URB1: variants seen among roughly 807,000 people sequenced by gnomAD.
URB1 encodes nucleolar pre-ribosomal-associated protein 1.
A neutral mutation model predicts 242.3 loss-of-function variants in URB1; 197 were observed. That is an observed-to-expected ratio of 0.81 (90% confidence interval 0.72 to 0.91). URB1 has a LOEUF of 0.91. Ranked by LOEUF, URB1 falls within the 40% of genes least tolerant of loss-of-function variation. URB1 has a pLI of 0.00. For synonymous variants in URB1, 1,153 were observed against 1,201.8 expected (o/e 0.96, Z 0.84); for missense variants, 2,721 against 2,860.5 (o/e 0.95, Z 1.11).
Position 32,316,862 on chromosome 21 carries a change from C to T in URB1, c.6238G>A (p.Val2080Met). The T allele has an allele frequency of 6.4e-7, 1 of 1,550,698 alleles. No individual in the cohort carries two copies. Among genetic ancestry groups the T allele is most frequent in the Non-Finnish European group, 8.7e-7 (1 of 1,146,484 alleles). Residue 2080 changes from valine to methionine, a missense_variant, in exon 38 of 39, where the codon GTG becomes ATG. Physicochemically the swap from Val to Met is conservative, Grantham distance 21. Coordinates refer to ENST00000382751, the MANE Select transcript of URB1 (RefSeq NM_014825.3). ...TCGCTCTCGGGGCTGGCTGAGTCCA[C>T]AGGCTCCTGAGTGGGGTCAGGACCA... ...IPGPDPTQEP[V>M]DSASPESDAP...
intron 22 of URB1, among the ~76,000 whole-genome samples, chr21:32,345,845 T>A (rs959719281): frequency 6.6e-6 from 1 of 152,196 alleles, no homozygotes; most frequent in Non-Finnish European, 1.5e-5. Context: ...ACGCTATTTC[T>A]AAGCTCATGA....
intron 28 of URB1, among the ~76,000 whole-genome samples, chr21:32,334,929 G>A (rs1247565177): frequency 6.6e-6 from 1 of 152,116 alleles, no homozygotes; most frequent in Non-Finnish European, 1.5e-5. Flanking sequence ...GCTGTCAGAG[G>A]CCACCTTGCC....
intron 34 of URB1, 64 bp downstream of exon 34, chr21:32,321,736 CA>C: frequency 6.5e-7 from 1 of 1,535,972 alleles, no homozygotes; most frequent in Non-Finnish European, 8.8e-7. Context: ...ACTTGACTTC[CA>C]GATAAAATCT....
intron 1 of URB1, among the ~76,000 whole-genome samples, 167 bp downstream of exon 1, chr21:32,392,602 A>G (rs2033652194): frequency 6.6e-6 from 1 of 152,238 alleles, no homozygotes; most frequent in Non-Finnish European, 1.5e-5. Flanking sequence ...GACAGTCCAG[A>G]GCAAGGAAGT....
intron 21 of URB1, 58 bp downstream of exon 21, chr21:32,349,246 A>C: frequency 6.9e-7 from 1 of 1,446,344 alleles, no homozygotes; most frequent in Non-Finnish European, 9.1e-7. Context: ...TCAGAAGTGA[A>C]GAGAAAGCCA....
intron 1 of URB1, among the ~76,000 whole-genome samples, chr21:32,389,665 A>G (rs2033618287): frequency 1.3e-5 from 2 of 152,350 alleles, no homozygotes; most frequent in Non-Finnish European, 2.9e-5. Flanking sequence ...AATCAGAATT[A>G]CCACTTATGC....
chr21:32,352,952 C>G, intron 18 of URB1, 46 bp from the exon 19 acceptor site: 1 of 1,494,476 alleles, frequency 6.7e-7, no homozygotes, highest in East Asian at 2.5e-5. Context: ...GCTGGGCCCA[C>G]CCTTCTGTGA....
intron 7 of URB1, 138 bp downstream of exon 7, chr21:32,373,509 A>C: frequency 1.0e-6 from 1 of 963,180 alleles, no homozygotes; most frequent in Non-Finnish European, 1.4e-6. Context: ...GGTTAATACA[A>C]CCATATAACC....
Position 32,314,432 on chromosome 21 carries a change from G to T in URB1, c.*486C>A. On this transcript the variant is annotated 3_prime_UTR_variant, in exon 39 of 39. Coordinates refer to ENST00000382751, the MANE Select transcript of URB1 (RefSeq NM_014825.3). ...ACTCCTGACCTCAGGTGATTCACCC[G>T]CCTTGGCCTCCCAAAGTGCTGGGAT... 2 of 853,884 alleles carry T rather than the reference G, an allele frequency of 2.3e-6. No homozygotes were observed. The highest frequency in any genetic ancestry group is 2.8e-5 in the South Asian group (2 of 71,216). The allele number at this position is 853,884 out of a possible 1,614,324, so 52.9% of individuals were successfully genotyped here. A position where few individuals can be genotyped will look rare whatever the true frequency, so the allele number is the denominator to read the frequency against.
chr21:32,366,589 C>T, intron 10 of URB1, 29 bp downstream of exon 10: 2 of 1,550,180 alleles, frequency 1.3e-6, no homozygotes, highest in South Asian at 2.4e-5. Context: ...GGAGGCAGTT[C>T]CAGAAGTGGG....
intron 22 of URB1, among the ~76,000 whole-genome samples, chr21:32,346,268 G>A (rs1347995518): frequency 6.6e-6 from 1 of 152,198 alleles, no homozygotes; most frequent in African/African-American, 2.4e-5. Flanking sequence ...TGTACAGCCT[G>A]CAGACGCATG....
chr21:32,382,134 G>C (rs1207180533), intron 4 of URB1, among the ~76,000 whole-genome samples: 2 of 152,114 alleles, frequency 1.3e-5, no homozygotes, highest in Non-Finnish European at 2.9e-5. Context: ...ACGCTGTCTG[G>C]GCTCCTAAAG....
At chr21:32,376,838 T>TGTTA (rs55919381) in intron 5 of URB1, among the ~76,000 whole-genome samples, 1 of 151,904 alleles carries the variant, frequency 6.6e-6, no homozygotes, top group East Asian at 1.9e-4. Context: ...TTTGTTTGTT[T>TGTTA]TGGTAGAGAC....
chr21:32,375,532 G>T (rs776441445), intron 5 of URB1, 49 bp from the exon 6 acceptor site: 1 of 1,094,984 alleles, frequency 9.1e-7, no homozygotes, highest in South Asian at 1.5e-5. Context: ...TTTTGAAAAT[G>T]AGAATAGACG....
intron 14 of URB1, among the ~76,000 whole-genome samples, chr21:32,357,989 A>T (rs957359243): frequency 1.3e-5 from 2 of 152,172 alleles, no homozygotes; most frequent in African/African-American, 2.4e-5. Context: ...AGATGACGCC[A>T]CTGCACTCCA....
chr21:32,358,600 G>C (rs1344038813), intron 14 of URB1, among the ~76,000 whole-genome samples: 1 of 152,150 alleles, frequency 6.6e-6, no homozygotes, highest in African/African-American at 2.4e-5. Context: ...GGTTAGCTTA[G>C]GCAGAGCCAG....
At chr21:32,337,322 A>G (rs1371004679) in intron 27 of URB1, 82 bp downstream of exon 27, 3 of 1,393,400 alleles carry the variant, frequency 2.2e-6, no homozygotes, top group Non-Finnish European at 3.0e-6. Flanking sequence ...ACATCCCTCC[A>G]GCTCTCATTC....
At chr21:32,371,405 G>A (rs1397664323) in intron 8 of URB1, among the ~76,000 whole-genome samples, 1 of 152,130 alleles carries the variant, frequency 6.6e-6, no homozygotes, top group Non-Finnish European at 1.5e-5. Context: ...TTTAAAAAGG[G>A]GGAACAATGC....
chr21:32,332,898 G>A (rs1022569310), intron 30 of URB1, among the ~76,000 whole-genome samples: 2 of 152,104 alleles, frequency 1.3e-5, no homozygotes, highest in African/African-American at 4.8e-5. Context: ...CCCACTCTGA[G>A]GCTACTAGAC....
Sources: gnomAD v4.1 joint callset for allele counts (sites outside exome capture counted in the v4.1 genomes callset) on GRCh38, gnomAD v4.1.1 for gene constraint, MANE v1.5 for transcripts, NCBI Gene and HGNC (gene_info 2026-07-23, HGNC 2026-07-21) for gene names.